The following FAM171A1 variants were observed in gnomAD, a reference collection of about 807,000 sequenced individuals.
FAM171A1 encodes family with sequence similarity 171 member A1.
In FAM171A1, 23 loss-of-function variants were observed where a neutral mutation model predicts 74.9. That is an observed-to-expected ratio of 0.31 (90% confidence interval 0.22 to 0.44). The LOEUF (loss-of-function observed/expected upper bound fraction) is 0.44, where lower values mean the gene tolerates loss of function less well. Among genes scored for constraint, FAM171A1 ranks in the 20% least tolerant of loss-of-function variants. The pLI, the probability that FAM171A1 is intolerant of heterozygous loss-of-function variation, is 1.00. For missense variants in FAM171A1, 1,162 were observed against 1,159.2 expected, an observed-to-expected ratio of 1.00 and a Z score of -0.03; for synonymous variants, 527 against 505.7, an observed-to-expected ratio of 1.04 and a Z score of -0.57.
intron 1 of FAM171A1, among the ~76,000 whole-genome samples, chr10:15,289,939 T>C (rs1035995773): frequency 2.6e-5 from 4 of 152,052 alleles, no homozygotes; most frequent in African/African-American, 9.7e-5. Flanking sequence ...TTTGGCCCTT[T>C]AGAGAAAAAG....
intron 5 of FAM171A1, among the ~76,000 whole-genome samples, chr10:15,243,901 C>T (rs1247385513): frequency 6.6e-6 from 1 of 152,176 alleles, no homozygotes; most frequent in Admixed American, 6.5e-5. Context: ...CAGGCGCCCG[C>T]CACCACACCC....
intron 2 of FAM171A1, among the ~76,000 whole-genome samples, chr10:15,282,663 G>A (rs964433268): frequency 4.6e-5 from 7 of 152,180 alleles, no homozygotes; most frequent in African/African-American, 1.7e-4. Context: ...GATTTCCAGT[G>A]ACTTCTCAGC....
rs748984583 is a variant in FAM171A1 at position 15,213,776 on chromosome 10, C to A, written c.1812G>T (p.Pro604=). ...TTTCTATCTCAAGCTGCTGATCAGC[C>A]GGGACGACGAGGGGCTGGCTGACAT... ...HSYVSQPLVV[P]ADQQLEIERL... is the part of the protein sequence containing the mutation. The change falls in exon 8 of 8, where the codon CCG becomes CCT. Residue 604 remains proline (P), a synonymous_variant. Transcript: ENST00000378116. The surrounding 1 kb of genome is among the most constrained non-coding windows in gnomAD (Gnocchi z 6.8). 3.7e-6 allele frequency: 6 copies of A among 1,613,932 alleles called. No homozygotes were observed. In the East Asian group the frequency reaches 6.7e-5, roughly 18 times the overall value.
At chr10:15,254,051 G>A (rs1213459692) in intron 4 of FAM171A1, among the ~76,000 whole-genome samples, 1 of 152,246 alleles carries the variant, frequency 6.6e-6, no homozygotes, top group East Asian at 1.9e-4. Flanking sequence ...TGCCAGGAGA[G>A]GGCGGATTCT....
intron 6 of FAM171A1, among the ~76,000 whole-genome samples, chr10:15,219,611 T>TCG (rs1834010966): frequency 6.6e-6 from 1 of 152,202 alleles, no homozygotes; most frequent in Non-Finnish European, 1.5e-5. Flanking sequence ...AGAGGGTGTC[T>TCG]CGCTCTGTCG....
At chr10:15,258,508 AT>A (rs769613282) in intron 3 of FAM171A1, among the ~76,000 whole-genome samples, 30 of 151,878 alleles carry the variant, frequency 2.0e-4, no homozygotes, top group Admixed American at 1.0e-3. Flanking sequence ...AAAAATACTC[AT>A]TTTTTCCCCA....
At chr10:15,262,338 T>TC (rs2131778337) in intron 3 of FAM171A1, among the ~76,000 whole-genome samples, 1 of 152,264 alleles carries the variant, frequency 6.6e-6, no homozygotes, top group South Asian at 2.1e-4. Context: ...AGACAGCAGC[T>TC]CTGGGGGTCC....
intron 3 of FAM171A1, among the ~76,000 whole-genome samples, chr10:15,270,168 C>T (rs144071849): frequency 1.3e-5 from 2 of 152,286 alleles, no homozygotes; most frequent in African/African-American, 2.4e-5. Flanking sequence ...AAAATCGGGA[C>T]ACTCCCACCC....
At chr10:15,282,624 A>C (rs1834984020) in intron 2 of FAM171A1, among the ~76,000 whole-genome samples, 1 of 152,230 alleles carries the variant, frequency 6.6e-6, no homozygotes, top group African/African-American at 2.4e-5. Flanking sequence ...CTCCTGAAAC[A>C]GGCAGAGACA....
chr10:15,331,859 G>GTGTATACATACA (rs60559617), intron 1 of FAM171A1, among the ~76,000 whole-genome samples: 1 of 44,954 alleles, frequency 2.2e-5, no homozygotes, highest in Non-Finnish European at 4.2e-5. Flanking sequence ...ATATATGTGT[G>GTGTATACATACA]TATATATATG....
intron 1 of FAM171A1, among the ~76,000 whole-genome samples, chr10:15,362,056 A>G (rs1295987891): frequency 3.9e-5 from 6 of 152,220 alleles, no homozygotes; most frequent in Non-Finnish European, 8.8e-5. Context: ...AGATCTTGCT[A>G]GTTCTCACAT....
intron 2 of FAM171A1, among the ~76,000 whole-genome samples, chr10:15,279,832 C>T (rs116721215): frequency 1.5e-4 from 23 of 152,186 alleles, no homozygotes; most frequent in Middle Eastern, 3.4e-3. Flanking sequence ...GCAAGACAAT[C>T]GCTTCAACCC....
Position 15,248,799 on chromosome 10 carries a change from A to G in FAM171A1, c.594T>C (p.His198=). 3 of 1,611,336 alleles carry G rather than the reference A, an allele frequency of 1.9e-6. No individual in the cohort carries two copies. Among genetic ancestry groups the G allele is most frequent in the Non-Finnish European group, 2.5e-6 (3 of 1,178,804 alleles). ...DGNGTGNSTR[H]DLTPVTAVSV... is the part of the protein sequence containing the mutation. ...TGACGGCTGTGACTGGGGTCAGGTC[A>G]TGCCTGGTGCTGTTTCCTAGAAGGA... The change falls in exon 5 of 8, where the codon CAT becomes CAC. Residue 198 remains histidine, a synonymous_variant. Coordinates refer to ENST00000378116, the MANE Select transcript of FAM171A1 (RefSeq NM_001010924.2).
chr10:15,280,554 C>T (rs1489521159), intron 2 of FAM171A1, among the ~76,000 whole-genome samples: 1 of 152,128 alleles, frequency 6.6e-6, no homozygotes, highest in Non-Finnish European at 1.5e-5. Flanking sequence ...TTTCCTTATG[C>T]TGGGTTCCTC....
intron 6 of FAM171A1, among the ~76,000 whole-genome samples, chr10:15,216,540 C>T (rs568233625): frequency 6.6e-6 from 1 of 152,236 alleles, no homozygotes; most frequent in African/African-American, 2.4e-5. Flanking sequence ...CATCAATCCT[C>T]CTGCCTCAGC....
At chr10:15,349,131 G>A (rs1835850458) in intron 1 of FAM171A1, among the ~76,000 whole-genome samples, 1 of 152,134 alleles carries the variant, frequency 6.6e-6, no homozygotes, top group South Asian at 2.1e-4. Context: ...TGTTTTCACA[G>A]CAAGCTAGGA....
chr10:15,279,106 C>T (rs539994388), intron 2 of FAM171A1, among the ~76,000 whole-genome samples: 7 of 152,124 alleles, frequency 4.6e-5, no homozygotes, highest in Non-Finnish European at 8.8e-5. Flanking sequence ...CTGAGCTGAC[C>T]GGTTTGGGGG....
intron 5 of FAM171A1, among the ~76,000 whole-genome samples, chr10:15,246,109 ACAC>A (rs1222761274): frequency 6.6e-6 from 1 of 152,100 alleles, no homozygotes; most frequent in Non-Finnish European, 1.5e-5. Flanking sequence ...CAGAGAACAC[ACAC>A]CATCAATAAA....
At chr10:15,284,216 G>T in intron 1 of FAM171A1, 111 bp from the exon 2 acceptor site, 1 of 921,686 alleles carries the variant, frequency 1.1e-6, no homozygotes, top group East Asian at 2.5e-5. Context: ...GGACATCAAG[G>T]TTGACACTCA....
Sources: gnomAD v4.1 joint callset for allele counts (sites outside exome capture counted in the v4.1 genomes callset) on GRCh38, gnomAD v4.1.1 for gene constraint, Gnocchi (gnomAD v3.1) non-coding constraint, MANE v1.5 for transcripts, NCBI Gene and HGNC (gene_info 2026-07-23, HGNC 2026-07-21) for gene names.